DNAH11: variants seen among roughly 807,000 people sequenced by gnomAD.
DNAH11 encodes axonemal beta dynein heavy chain 11.
Under a neutral mutation model 526.0 loss-of-function variants are expected in DNAH11, and 442 were observed. That is an observed-to-expected ratio of 0.84 (90% CI 0.78 to 0.91). The LOEUF is 0.91. DNAH11 is among the 40% of genes least tolerant of loss of function. DNAH11 has a pLI of 0.00. For synonymous variants in DNAH11, 2,461 were observed against 1,935.9 expected, an observed-to-expected ratio of 1.27 and a Z score of -7.12; for missense variants, 6,989 against 5,448.7, an observed-to-expected ratio of 1.28 and a Z score of -8.90.
Position 21,564,200 on chromosome 7 carries a change from C to A in DNAH11, c.997C>A (p.Gln333Lys), listed in dbSNP as rs745761163. ...TTTGCTTTCAGCTCTTCTCGAAGCC[C>A]AAGATGTGGAACTTTACCTGAGACC... ...LAVENALLEAQDVELYLRPLR... is the reference protein window; with the variant it reads ...LAVENALLEAKDVELYLRPLR... Residue 333 changes from glutamine (Q) to lysine (K), a missense_variant, in exon 6 of 82, where the codon CAA becomes AAA. Coordinates refer to ENST00000409508, the MANE Select transcript of DNAH11 (RefSeq NM_001277115.2). 5.7e-6 allele frequency: 9 copies of A among 1,587,724 alleles called. No homozygotes were observed. The highest frequency in any genetic ancestry group is 1.4e-5 in the African/African-American group (1 of 73,896).
In DNAH11 at chr7:21,681,576, T is replaced by C. The variant is rs75932225; in HGVS notation, c.5359T>C (p.Leu1787=). 1.3e-3 allele frequency: 2,058 copies of C among 1,613,898 alleles called. 19 individuals carry two copies. The African/African-American group carries it at 0.024, about 19-fold the overall frequency. ...ISQLNTLITL[L]LGELPPGDRQ... ...TCAGCTGAATACACTGATTACACTT[T>C]TGCTGGGAGAACTTCCACCTGGAGA... The change falls in exon 31 of 82, where the codon TTG becomes CTG. Residue 1787 remains leucine (L), a synonymous_variant. Transcript: ENST00000409508.
intron 66 of DNAH11, among the ~76,000 whole-genome samples, chr7:21,849,222 G>C (rs960105630): frequency 1.3e-5 from 2 of 152,146 alleles, no homozygotes; most frequent in African/African-American, 4.8e-5. Flanking sequence ...TGCCTCATTG[G>C]TAATGCAGTT....
intron 79 of DNAH11, among the ~76,000 whole-genome samples, chr7:21,897,099 C>G (rs1784542311): frequency 6.6e-6 from 1 of 152,008 alleles, no homozygotes; most frequent in Non-Finnish European, 1.5e-5. Flanking sequence ...ATTTCATCGT[C>G]CATAATTATC....
At chr7:21,548,627 G>C (rs1782898426) in intron 2 of DNAH11, among the ~76,000 whole-genome samples, 1 of 152,170 alleles carries the variant, frequency 6.6e-6, no homozygotes, top group African/African-American at 2.4e-5. Flanking sequence ...CAACTGGAAG[G>C]TAACAGGTTA....
At chr7:21,723,803 C>T (rs1784974169) in intron 44 of DNAH11, among the ~76,000 whole-genome samples, 1 of 138,856 alleles carries the variant, frequency 7.2e-6, no homozygotes, top group Non-Finnish European at 1.6e-5. Context: ...TTCTTTCATA[C>T]CACAGGAACT....
intron 65 of DNAH11, among the ~76,000 whole-genome samples, chr7:21,831,685 G>A (rs188583428): frequency 1.3e-5 from 2 of 152,098 alleles, no homozygotes; most frequent in Non-Finnish European, 2.9e-5. Flanking sequence ...CTGGAATCCT[G>A]TATGCTTCAG....
At chr7:21,868,767 T>G in intron 72 of DNAH11, 97 bp from the exon 73 acceptor site, 6 of 1,465,496 alleles carry the variant, frequency 4.1e-6, no homozygotes, top group Non-Finnish European at 5.6e-6. Context: ...AGAAGATGGC[T>G]GCGGTGACCA....
chr7:21,693,101 GA>G (rs1783698707), intron 35 of DNAH11, among the ~76,000 whole-genome samples: 1 of 152,132 alleles, frequency 6.6e-6, no homozygotes, highest in Non-Finnish European at 1.5e-5. Flanking sequence ...TAAATGTGAT[GA>G]AATATAATTT....
At chr7:21,830,208 A>G (rs1233098905) in intron 65 of DNAH11, among the ~76,000 whole-genome samples, 1 of 152,192 alleles carries the variant, frequency 6.6e-6, no homozygotes, top group Non-Finnish European at 1.5e-5. Flanking sequence ...CACACTTAAT[A>G]CATTTTCTTT....
chr7:21,548,076 A>G (rs984533779), intron 2 of DNAH11, among the ~76,000 whole-genome samples: 1 of 152,050 alleles, frequency 6.6e-6, no homozygotes, highest in Non-Finnish European at 1.5e-5. Flanking sequence ...TCATTTTTTA[A>G]AGCAACCTTC....
Position 21,884,344 on chromosome 7 carries a change from C to T in DNAH11, c.12441C>T (p.His4147=). The part of the protein sequence containing the change: ...YLFGEIMYGG[H]ITDDWDRKLC... ...TTGGTGAGATCATGTATGGAGGCCA[C>T]ATCACAGATGACTGGGATCGCAAAC... Residue 4147 remains histidine, a synonymous_variant, in exon 76 of 82, where the codon CAC becomes CAT. Coordinates refer to ENST00000409508, the MANE Select transcript of DNAH11 (RefSeq NM_001277115.2). The T allele has an allele frequency of 6.2e-7, 1 of 1,613,364 alleles. No homozygotes were observed. Among genetic ancestry groups the T allele is most frequent in the Non-Finnish European group, 8.5e-7 (1 of 1,179,508 alleles).
chr7:21,649,864 C>A (rs1233682426), intron 28 of DNAH11, among the ~76,000 whole-genome samples: 1 of 152,012 alleles, frequency 6.6e-6, no homozygotes, highest in African/African-American at 2.4e-5. Flanking sequence ...TGGGGTTTTG[C>A]CTTGTTGGCC....
Position 21,655,825 on chromosome 7 carries a change from A to C in DNAH11, c.4945-7A>C. 1 of 1,610,964 alleles carries C rather than the reference A, an allele frequency of 6.2e-7. No individual in the cohort carries two copies. On this transcript the variant is annotated splice_region_variant and splice_polypyrimidine_tract_variant and intron_variant, in intron 28 of 81. Transcript: ENST00000409508. ...TGTTCTTATCTTTTCTAATATTCTC[A>C]TTTTAGGTAACATGTCACCTTGCCA...
At chr7:21,823,600 A>AT (rs1175689763) in intron 65 of DNAH11, among the ~76,000 whole-genome samples, 5 of 151,900 alleles carry the variant, frequency 3.3e-5, no homozygotes, top group East Asian at 1.9e-4. Flanking sequence ...AATATGCTTA[A>AT]TTTTTTTCAC....
intron 45 of DNAH11, among the ~76,000 whole-genome samples, chr7:21,732,686 A>G (rs2128488073): frequency 6.6e-6 from 1 of 152,360 alleles, no homozygotes; most frequent in South Asian, 2.1e-4. Context: ...ATGCAGATTA[A>G]TTCTGTGACC....
chr7:21,655,846 T>A lies in DNAH11; in HGVS notation c.4959T>A (p.Leu1653=). 1 of 1,613,000 alleles carries A rather than the reference T, an allele frequency of 6.2e-7. No homozygotes were observed. The highest frequency in any genetic ancestry group is 8.5e-7 in the Non-Finnish European group (1 of 1,179,362). Residue 1653 remains leucine, a synonymous_variant, in exon 29 of 82, where the codon CTT becomes CTA. Coordinates refer to ENST00000409508, the MANE Select transcript of DNAH11 (RefSeq NM_001277115.2). ...GAQPKQVTCH[L]AKLFDSIADL... ...TCTCATTTTAGGTAACATGTCACCT[T>A]GCCAAACTTTTCGACAGCATTGCAG...
At chr7:21,882,407 G>T (rs1321396041) in intron 75 of DNAH11, among the ~76,000 whole-genome samples, 1 of 152,114 alleles carries the variant, frequency 6.6e-6, no homozygotes, top group Non-Finnish European at 1.5e-5. Context: ...AAATTCCTAT[G>T]AGCACATGTT....
chr7:21,891,361 A>C lies in DNAH11; in HGVS notation c.12508-1064A>C, dbSNP rs1583817269. Among the ~76,000 whole-genome samples, 3 of 152,328 alleles carry C rather than the reference A, an allele frequency of 2.0e-5. No individual in the cohort carries two copies. The South Asian group carries it at 6.2e-4, about 32-fold the overall frequency. On this transcript the variant is annotated intron_variant, in intron 76 of 81. Coordinates refer to ENST00000409508, the MANE Select transcript of DNAH11 (RefSeq NM_001277115.2). Reference sequence around the variant, plus strand: ...AAAAATAACATTCCTCTGTACATTTAAGTGCACATACAGACAGGATTTACG... The same window carrying C: ...AAAAATAACATTCCTCTGTACATTTCAGTGCACATACAGACAGGATTTACG...
At position 21,543,202 on chromosome 7, in the gene DNAH11, G is replaced by A. The variant is rs1010979498; in HGVS notation, c.-44G>A. ...TCACTTCGGGGGGCCCAGAGTCTCGGGTGAGGAGCCAGCCGGCCTCGCGTT... is the reference window on the plus strand; with the variant it reads ...TCACTTCGGGGGGCCCAGAGTCTCGAGTGAGGAGCCAGCCGGCCTCGCGTT... On this transcript the variant is annotated 5_prime_UTR_variant, in exon 1 of 82. Transcript: ENST00000409508. The A allele has an allele frequency of 1.9e-5, 28 of 1,478,768 alleles. No homozygotes were observed. The South Asian group carries it at 2.7e-4, about 14-fold the overall frequency. 91.6% of individuals were successfully genotyped at this position (1,478,768 alleles called of 1,614,324 possible).
Sources: allele counts gnomAD v4.1 joint callset (sites outside exome capture counted in the v4.1 genomes callset), GRCh38; gene constraint gnomAD v4.1.1; transcripts MANE v1.5; gene names NCBI Gene and HGNC (gene_info 2026-07-23, HGNC 2026-07-21).